C17orf99: variants seen among roughly 807,000 people sequenced by gnomAD.
The protein encoded by C17orf99 is protein IL-40.
C17orf99 carries 18 observed loss-of-function variants against 22.6 expected under a neutral mutation model. The observed-to-expected ratio is 0.80, with a 90% CI of 0.55 to 1.18. The LOEUF (loss-of-function observed/expected upper bound fraction) is 1.18, where lower values mean the gene tolerates loss of function less well. Among genes scored for constraint, C17orf99 ranks in the 50% most tolerant of loss-of-function variants. C17orf99 has a pLI of 0.00. For missense variants in C17orf99, 328 were observed against 342.7 expected (o/e 0.96, Z 0.34); for synonymous variants, 147 against 136.6 (o/e 1.08, Z -0.53).
At chr17:78,157,068 G>C (rs573807230) in intron 2 of C17orf99, among the ~76,000 whole-genome samples, 1 of 151,550 alleles carries the variant, frequency 6.6e-6, no homozygotes, top group Admixed American at 6.6e-5. Context: ...GGTGGCTCAC[G>C]CTTGTAATGC....
chr17:78,160,567 A>G (rs1009461314), intron 2 of C17orf99, among the ~76,000 whole-genome samples: 1 of 147,666 alleles, frequency 6.8e-6, no homozygotes. Context: ...GAGAGAGAAC[A>G]TGCTAAACCC....
chr17:78,160,435 C>T (rs2075564329), intron 2 of C17orf99, among the ~76,000 whole-genome samples: 1 of 151,150 alleles, frequency 6.6e-6, no homozygotes, highest in African/African-American at 2.4e-5. Context: ...ATTCGGGAGG[C>T]TGAAGCAGGA....
rs944916403 is a variant in C17orf99 at position 78,161,031 on chromosome 17, C to T, written c.147C>T (p.Cys49=). 1.3e-6 allele frequency: 2 copies of T among 1,551,226 alleles called. No individual in the cohort carries two copies. The highest frequency in any genetic ancestry group is 3.9e-5 in the Admixed American group (2 of 50,966). ...AAGGCCGCTGGGTGCTCATAACCTG[C>T]TGTGCACCCCAGCCACCACCGCCCA... The part of the protein sequence containing the change: ...FPKGRWVLIT[C]CAPQPPPPIT... Residue 49 remains cysteine, a synonymous_variant, in exon 3 of 5, where the codon TGC becomes TGT. Coordinates refer to ENST00000340363, the MANE Select transcript of C17orf99 (RefSeq NM_001163075.2).
At chr17:78,147,732 C>T (rs925428671) in intron 2 of C17orf99, among the ~76,000 whole-genome samples, 5 of 152,168 alleles carry the variant, frequency 3.3e-5, no homozygotes, top group Admixed American at 1.3e-4. Flanking sequence ...GTAATGATGA[C>T]GCCATTCTCA....
intron 2 of C17orf99, chr17:78,158,224 G>T (rs2075543691): frequency 3.2e-6 from 2 of 623,752 alleles, no homozygotes. Flanking sequence ...TGGCAGCAGT[G>T]ATCCTCCCAA....
intron 2 of C17orf99, among the ~76,000 whole-genome samples, chr17:78,150,578 A>T (rs1263843960): frequency 1.3e-5 from 2 of 152,214 alleles, no homozygotes; most frequent in African/African-American, 4.8e-5. Flanking sequence ...ATCTGAAGAC[A>T]TAACTGCTGT....
At chr17:78,148,227 A>T (rs1598939106) in intron 2 of C17orf99, among the ~76,000 whole-genome samples, 1 of 151,510 alleles carries the variant, frequency 6.6e-6, no homozygotes, top group African/African-American at 2.4e-5. Context: ...CTTAAAAAAA[A>T]AAAAAGAAAA....
At chr17:78,155,811 G>A (rs1301515985) in intron 2 of C17orf99, among the ~76,000 whole-genome samples, 1 of 151,770 alleles carries the variant, frequency 6.6e-6, no homozygotes, top group Non-Finnish European at 1.5e-5. Flanking sequence ...ATTTTTAGTA[G>A]AGACGGGGTT....
At chr17:78,158,073 A>C (rs2075542416) in intron 2 of C17orf99, 10 of 1,166,844 alleles carry the variant, frequency 8.6e-6, no homozygotes, top group Non-Finnish European at 1.3e-5. Context: ...GAGGTGCGAG[A>C]GGACTTTCGT....
At chr17:78,160,456 A>C (rs112532641) in intron 2 of C17orf99, among the ~76,000 whole-genome samples, 129 of 151,712 alleles carry the variant, frequency 8.5e-4, no homozygotes, top group African/African-American at 2.7e-3. Context: ...GAATCACTTG[A>C]ACTCAGGAGG....
In C17orf99 at chr17:78,166,155, C is replaced by CAAAA. The variant is rs61377640; in HGVS notation, c.*128_*131dup. The CAAAA allele has an allele frequency of 5.9e-4, 85 of 145,292 alleles. No homozygotes were observed. The highest frequency in any genetic ancestry group is 4.0e-3 in the East Asian group (29 of 7,292). 9.0% of individuals were successfully genotyped at this position (145,292 alleles called of 1,614,324 possible). On this transcript the variant is annotated 3_prime_UTR_variant, in exon 5 of 5. Transcript: ENST00000340363. Reference sequence around the variant, plus strand: ...GAGTGTGTTTTAGCTGCTCTTGCCACAAAAAAAAAAAAAAAAAAAAAAGGG... The same window carrying CAAAA: ...GAGTGTGTTTTAGCTGCTCTTGCCACAAAAAAAAAAAAAAAAAAAAAAAAAAGGG...
At chr17:78,162,416 G>A (rs2075585208) in intron 3 of C17orf99, among the ~76,000 whole-genome samples, 1 of 151,866 alleles carries the variant, frequency 6.6e-6, no homozygotes, top group African/African-American at 2.4e-5. Context: ...CCTTCTTGGT[G>A]GGAGCTATGG....
In C17orf99 at chr17:78,164,807, G is replaced by A. The variant is rs916818692; in HGVS notation, c.640+443G>A. 8.1e-6 allele frequency: 10 copies of A among 1,236,900 alleles called. No homozygotes were observed. In the Admixed American group the frequency reaches 1.0e-4, roughly 13 times the overall value. 76.6% of individuals were successfully genotyped at this position (1,236,900 alleles called of 1,614,324 possible). A position where few individuals can be genotyped will look rare whatever the true frequency, so the allele number is the denominator to read the frequency against. On this transcript the variant is annotated intron_variant, in intron 4 of 4. Coordinates refer to ENST00000340363, the MANE Select transcript of C17orf99 (RefSeq NM_001163075.2). ...GCAAAGAGCGGCCATCACCGCTTAC[G>A]CATGACTCGAAGGTGTTTATGAGGA...
At chr17:78,159,685 C>T (rs1183014982) in intron 2 of C17orf99, among the ~76,000 whole-genome samples, 2 of 151,924 alleles carry the variant, frequency 1.3e-5, no homozygotes, top group Admixed American at 1.3e-4. Flanking sequence ...ATTTTCATCA[C>T]CCCAAAAGGA....
chr17:78,158,549 C>G (rs1401923855), intron 2 of C17orf99: 1 of 165,296 alleles, frequency 6.0e-6, no homozygotes, highest in African/African-American at 2.4e-5. Context: ...CCCGCCTTGG[C>G]CTCCCAAAGT....
At chr17:78,151,534 A>T (rs62079080) in intron 2 of C17orf99, among the ~76,000 whole-genome samples, 16,942 of 151,928 alleles carry the variant, frequency 0.11, 1,123 homozygotes, top group Middle Eastern at 0.29. Flanking sequence ...TCCAAGACTC[A>T]GAGTCTGCAG....
intron 2 of C17orf99, among the ~76,000 whole-genome samples, chr17:78,148,189 C>G (rs1287671453): frequency 1.3e-5 from 2 of 150,740 alleles, no homozygotes; most frequent in Non-Finnish European, 2.9e-5. Flanking sequence ...TCAAGACCAG[C>G]CTGACCGACA....
intron 2 of C17orf99, chr17:78,158,236 A>G (rs1037007670): frequency 1.7e-5 from 10 of 586,808 alleles, no homozygotes; most frequent in Non-Finnish European, 3.0e-5. Flanking sequence ...TCCTCCCAAG[A>G]GGCCCCCTCC....
At chr17:78,157,355 C>A in intron 2 of C17orf99, 1 of 931,848 alleles carries the variant, frequency 1.1e-6, no homozygotes, top group Admixed American at 2.4e-5. Context: ...GCGGTGGGCT[C>A]GGAGGCTCAC....
Sources: gnomAD v4.1 joint callset for allele counts (sites outside exome capture counted in the v4.1 genomes callset) on GRCh38, gnomAD v4.1.1 for gene constraint, MANE v1.5 for transcripts, NCBI Gene and HGNC (gene_info 2026-07-23, HGNC 2026-07-21) for gene names.